GSK3B: variants seen among roughly 807,000 people sequenced by gnomAD.
GSK3B encodes the protein glycogen synthase kinase 3 beta.
A neutral mutation model predicts 56.4 loss-of-function variants in GSK3B; 15 were observed. That is an observed-to-expected ratio of 0.27 (90% CI 0.18 to 0.41). GSK3B has a LOEUF of 0.41. Among genes scored for constraint, GSK3B ranks in the 10% least tolerant of loss-of-function variants. The pLI is 1.00. For synonymous variants in GSK3B, 181 were observed against 188.9 expected (o/e 0.96, Z 0.34); for missense variants, 300 against 513.4 (o/e 0.58, Z 4.02).
At chr3:119,910,989 CAG>C (rs1370173421) in intron 6 of GSK3B, among the ~76,000 whole-genome samples, 2 of 152,312 alleles carry the variant, frequency 1.3e-5, no homozygotes, top group East Asian at 3.9e-4. Context: ...ACAACATCTG[CAG>C]AGACTTCCTT....
chr3:120,031,790 A>G (rs1443382183), intron 1 of GSK3B, among the ~76,000 whole-genome samples: 2 of 152,246 alleles, frequency 1.3e-5, no homozygotes, highest in African/African-American at 4.8e-5. Flanking sequence ...TGCACTGTCC[A>G]TGAGGAGATA....
chr3:120,015,716 C>T (rs543480608), intron 1 of GSK3B, among the ~76,000 whole-genome samples: 1 of 145,964 alleles, frequency 6.9e-6, no homozygotes, highest in South Asian at 2.2e-4. Flanking sequence ...TTCCCATGTG[C>T]ACTAGGTTCA....
chr3:119,907,748 A>G (rs2056696895), intron 6 of GSK3B, among the ~76,000 whole-genome samples: 1 of 152,216 alleles, frequency 6.6e-6, no homozygotes, highest in Non-Finnish European at 1.5e-5. Flanking sequence ...AGATAAGGAA[A>G]TTAAGACATG....
At chr3:119,903,643 C>G (rs1269744415) in intron 7 of GSK3B, among the ~76,000 whole-genome samples, 1 of 152,142 alleles carries the variant, frequency 6.6e-6, no homozygotes, top group Non-Finnish European at 1.5e-5. Flanking sequence ...GGTATTACGG[C>G]AAGCATGAGA....
At chr3:119,924,779 TG>T (rs369907263) in intron 3 of GSK3B, among the ~76,000 whole-genome samples, 232 of 152,352 alleles carry the variant, frequency 1.5e-3, no homozygotes, top group Middle Eastern at 3.4e-3. Context: ...AAACTTTTAA[TG>T]GAACAGAGCT....
At position 119,824,092 on chromosome 3, in the gene GSK3B, T is replaced by C. The variant is rs1329627088; in HGVS notation, c.*2696A>G. The stretch of plus-strand genomic sequence containing the variant: ...TGATTATTAAACAGAATCACTGCCC[T>C]GAACAGTAACTTTTTGCTCATTAAT... On this transcript the variant is annotated 3_prime_UTR_variant, in exon 11 of 11. Coordinates refer to ENST00000264235, the MANE Select transcript of GSK3B (RefSeq NM_001146156.2). 7 of 202,288 alleles carry C rather than the reference T, an allele frequency of 3.5e-5. No individual in the cohort carries two copies. Among genetic ancestry groups the C allele is most frequent in the Non-Finnish European group, 6.1e-5 (6 of 98,268 alleles). The allele number at this position is 202,288 out of a possible 1,614,324, so 12.5% of individuals were successfully genotyped here.
intron 8 of GSK3B, among the ~76,000 whole-genome samples, chr3:119,871,506 C>T (rs1449049173): frequency 1.3e-5 from 2 of 151,938 alleles, no homozygotes; most frequent in Admixed American, 1.3e-4. Context: ...TGAGGAATTG[C>T]TATAATATAT....
intron 3 of GSK3B, among the ~76,000 whole-genome samples, chr3:119,928,624 A>AT (rs1559840698): frequency 5.3e-5 from 8 of 150,288 alleles, no homozygotes; most frequent in African/African-American, 1.7e-4. Flanking sequence ...AAAAAAAAAA[A>AT]AAAAAAAAAA....
At chr3:120,007,541 C>G (rs1452594664) in intron 1 of GSK3B, among the ~76,000 whole-genome samples, 2 of 152,102 alleles carry the variant, frequency 1.3e-5, no homozygotes, top group Admixed American at 6.6e-5. Context: ...AAATCGAAAC[C>G]AGCAGCACAT....
chr3:119,867,605 C>A (rs897348221), intron 8 of GSK3B, among the ~76,000 whole-genome samples: 3 of 152,032 alleles, frequency 2.0e-5, no homozygotes, highest in Non-Finnish European at 4.4e-5. Context: ...TTACAGGTGA[C>A]AGGCATAGTA....
intron 3 of GSK3B, among the ~76,000 whole-genome samples, chr3:119,932,708 CAAAT>C (rs1001567982): frequency 3.3e-5 from 5 of 151,662 alleles, no homozygotes. Flanking sequence ...GGCAAATAAA[CAAAT>C]AAATAAACTT....
At chr3:120,028,052 CAA>C (rs944581484) in intron 1 of GSK3B, among the ~76,000 whole-genome samples, 1 of 152,082 alleles carries the variant, frequency 6.6e-6, no homozygotes, top group African/African-American at 2.4e-5. Context: ...GTATAATCAG[CAA>C]AGAGATGAAT....
intron 1 of GSK3B, among the ~76,000 whole-genome samples, chr3:120,038,062 T>C (rs1044845045): frequency 6.6e-6 from 1 of 152,166 alleles, no homozygotes; most frequent in Non-Finnish European, 1.5e-5. Context: ...TACATTTACA[T>C]ACAAGGAAAC....
At chr3:120,089,166 T>G (rs1009933153) in intron 1 of GSK3B, among the ~76,000 whole-genome samples, 1 of 152,214 alleles carries the variant, frequency 6.6e-6, no homozygotes, top group Non-Finnish European at 1.5e-5. Context: ...ATTTTCTAAA[T>G]GCAGTTCCCA....
intron 9 of GSK3B, among the ~76,000 whole-genome samples, chr3:119,861,319 T>C (rs1449512052): frequency 6.6e-6 from 1 of 152,002 alleles, no homozygotes; most frequent in Non-Finnish European, 1.5e-5. Context: ...AAAACCAGCC[T>C]GGCCAACATG....
intron 2 of GSK3B, among the ~76,000 whole-genome samples, chr3:119,972,717 G>A (rs977316721): frequency 6.6e-6 from 1 of 152,152 alleles, no homozygotes; most frequent in Non-Finnish European, 1.5e-5. Context: ...TTACAGGTGT[G>A]AGCCACCGCG....
intron 8 of GSK3B, among the ~76,000 whole-genome samples, chr3:119,873,332 CT>C (rs78747347): frequency 3.5e-3 from 504 of 144,582 alleles, no homozygotes; most frequent in Non-Finnish European, 4.2e-3. Flanking sequence ...TTTCTGTCTA[CT>C]TTTTTTTTTT....
chr3:120,030,611 T>C (rs1181785496), intron 1 of GSK3B, among the ~76,000 whole-genome samples: 1 of 152,230 alleles, frequency 6.6e-6, no homozygotes, highest in Non-Finnish European at 1.5e-5. Context: ...CTTTTTCACA[T>C]GATGTTCCCT....
chr3:120,079,305 TACACACACAC>T (rs61338597), intron 1 of GSK3B, among the ~76,000 whole-genome samples: 4,610 of 128,406 alleles, frequency 0.036, 129 homozygotes, highest in African/African-American at 0.093. Flanking sequence ...GACAGGAAAT[TACACACACAC>T]ACACACACAC....
Sources: gnomAD v4.1 joint callset for allele counts (sites outside exome capture counted in the v4.1 genomes callset) on GRCh38, gnomAD v4.1.1 for gene constraint, MANE v1.5 for transcripts, NCBI Gene and HGNC (gene_info 2026-07-23, HGNC 2026-07-21) for gene names.